ANO4: variants seen among roughly 807,000 people sequenced by gnomAD.
The protein encoded by ANO4 is anoctamin-4.
A neutral mutation model predicts 141.9 loss-of-function variants in ANO4; 69 were observed. That is an observed-to-expected ratio of 0.49 (90% confidence interval 0.40 to 0.59). The LOEUF (loss-of-function observed/expected upper bound fraction) is 0.59. Ranked by LOEUF, ANO4 falls within the 20% of genes least tolerant of loss-of-function variation. The pLI, the probability that ANO4 is intolerant of heterozygous loss-of-function variation, is 0.00. For missense variants in ANO4, 894 were observed against 1,162.2 expected, an observed-to-expected ratio of 0.77 and a Z score of 3.36; for synonymous variants, 350 against 394.3, an observed-to-expected ratio of 0.89 and a Z score of 1.33.
chr12:100,941,312 C>G (rs1211821417), intron 4 of ANO4, among the ~76,000 whole-genome samples: 1 of 151,850 alleles, frequency 6.6e-6, no homozygotes, highest in Non-Finnish European at 1.5e-5. Flanking sequence ...TATCATCTTT[C>G]TAAATTTTAT....
In ANO4 at chr12:100,940,160, C is replaced by T. The variant is rs537383651; in HGVS notation, c.297+709C>T. 3.3e-5 allele frequency among the ~76,000 whole-genome samples: 5 copies of T among 151,394 alleles called. No individual in the cohort carries two copies. In the East Asian group the frequency reaches 9.7e-4, roughly 29 times the overall value. Reference sequence around the variant, plus strand: ...GCCAAGCTTTGCAGACTTCACCCCACAAACACCATATGCAGCTATCCAAGT... The same window carrying T: ...GCCAAGCTTTGCAGACTTCACCCCATAAACACCATATGCAGCTATCCAAGT... On this transcript the variant is annotated intron_variant, in intron 4 of 27. Transcript: ENST00000392977.
chr12:100,993,641 T>C (rs2045240193), intron 8 of ANO4, among the ~76,000 whole-genome samples: 1 of 152,074 alleles, frequency 6.6e-6, no homozygotes, highest in Non-Finnish European at 1.5e-5. Flanking sequence ...TAGGCTACTG[T>C]TATCTTGTTA....
At chr12:100,839,227 A>G (rs1321507829) in intron 1 of ANO4, among the ~76,000 whole-genome samples, 1 of 152,150 alleles carries the variant, frequency 6.6e-6, no homozygotes, top group Non-Finnish European at 1.5e-5. Flanking sequence ...AACTTGCAGA[A>G]TGGGGGCCAG....
chr12:100,897,651 G>A (rs903589988), intron 1 of ANO4, among the ~76,000 whole-genome samples: 6 of 152,232 alleles, frequency 3.9e-5, no homozygotes, highest in African/African-American at 1.4e-4. Context: ...GCAGATGAAT[G>A]AGAGTTCAAG....
intron 16 of ANO4, among the ~76,000 whole-genome samples, 174 bp from the exon 17 acceptor site, chr12:101,086,486 A>C (rs1054493647): frequency 6.6e-6 from 1 of 152,156 alleles, no homozygotes; most frequent in African/African-American, 2.4e-5. Context: ...AAAAATAGAA[A>C]AAGGCAAGAG....
intron 14 of ANO4, among the ~76,000 whole-genome samples, chr12:101,067,385 G>T (rs1300698657): frequency 3.3e-5 from 5 of 152,206 alleles, no homozygotes; most frequent in African/African-American, 1.2e-4. Flanking sequence ...GTAATAGTAT[G>T]TGATAAGATT....
At chr12:100,806,524 GTTTTTTTT>G (rs763949654) in intron 1 of ANO4, among the ~76,000 whole-genome samples, 3 of 59,882 alleles carry the variant, frequency 5.0e-5, no homozygotes, top group African/African-American at 1.7e-4. Context: ...TTTTTGTTTC[GTTTTTTTT>G]TTTTTTTTTT....
chr12:100,794,418 C>G (rs577002670), upstream of ANO4, among the ~76,000 whole-genome samples: 1 of 152,280 alleles, frequency 6.6e-6, no homozygotes, highest in East Asian at 1.9e-4. Context: ...TTGTTAAATA[C>G]AAGCAAACAT....
At chr12:100,923,028 C>G (rs565091712) in intron 3 of ANO4, among the ~76,000 whole-genome samples, 1 of 152,066 alleles carries the variant, frequency 6.6e-6, no homozygotes, top group East Asian at 1.9e-4. Context: ...CTCTTAATAT[C>G]GAATAATTTA....
intron 5 of ANO4, among the ~76,000 whole-genome samples, chr12:100,963,723 T>C (rs954203318): frequency 5.3e-5 from 8 of 152,126 alleles, no homozygotes; most frequent in Admixed American, 5.2e-4. Flanking sequence ...GTTGGCTAGA[T>C]GATAGCCCCA....
chr12:100,959,273 C>G (rs2043303360), intron 5 of ANO4, among the ~76,000 whole-genome samples: 1 of 152,094 alleles, frequency 6.6e-6, no homozygotes. Flanking sequence ...TTCGCTGAAT[C>G]CCCTCTCACC....
chr12:100,985,633 A>C (rs1417530631), intron 7 of ANO4, among the ~76,000 whole-genome samples: 1 of 152,074 alleles, frequency 6.6e-6, no homozygotes, highest in Non-Finnish European at 1.5e-5. Context: ...CTATATTTTA[A>C]GTATATTTCT....
intron 10 of ANO4, 63 bp from the exon 11 acceptor site, chr12:101,039,892 C>G (rs1566162552): frequency 6.5e-7 from 1 of 1,541,192 alleles, no homozygotes; most frequent in Non-Finnish European, 8.8e-7. Context: ...CTTACATTAC[C>G]ATCAGCATTT....
chr12:100,720,311 G>A (rs1009953770), intron 1 of ANO4, among the ~76,000 whole-genome samples: 1 of 151,928 alleles, frequency 6.6e-6, no homozygotes, highest in South Asian at 2.1e-4. Context: ...TTTCATATAG[G>A]GAAGCCCTCT....
At chr12:100,963,430 A>G (rs1277644198) in intron 5 of ANO4, among the ~76,000 whole-genome samples, 1 of 152,078 alleles carries the variant, frequency 6.6e-6, no homozygotes, top group East Asian at 1.9e-4. Context: ...TATTGTAATC[A>G]TTTAGGAACA....
intron 9 of ANO4, among the ~76,000 whole-genome samples, chr12:101,031,540 C>T (rs2046976239): frequency 6.6e-6 from 1 of 152,184 alleles, no homozygotes; most frequent in Non-Finnish European, 1.5e-5. Flanking sequence ...GATGCCCTCT[C>T]TCACCACTCT....
At chr12:100,908,454 A>G (rs1193400000) in intron 2 of ANO4, among the ~76,000 whole-genome samples, 2 of 152,270 alleles carry the variant, frequency 1.3e-5, no homozygotes, top group African/African-American at 2.4e-5. Context: ...GGTTGAAAAT[A>G]TAAATAAAGC....
At chr12:101,099,820 T>C (rs1279449926) in intron 22 of ANO4, 100 bp downstream of exon 22, 9 of 988,962 alleles carry the variant, frequency 9.1e-6, no homozygotes, top group Non-Finnish European at 1.1e-5. Flanking sequence ...CCTCAGTGCG[T>C]AGGGATTCCT....
In ANO4 at chr12:101,079,209, G is replaced by A; in HGVS notation, c.1329G>A (p.Glu443=). The A allele has an allele frequency of 6.2e-7, 1 of 1,613,982 alleles. No individual in the cohort carries two copies. Among genetic ancestry groups the A allele is most frequent in the Non-Finnish European group, 8.5e-7 (1 of 1,179,912 alleles). ...FMAVWATVFL[E]FWKRRRAVIA... is the part of the protein sequence containing the mutation. ...TTGTTCCAGCAACAGTTTTCCTGGA[G>A]TTTTGGAAAAGACGGCGAGCAGTAA... Residue 443 remains glutamate, a synonymous_variant, in exon 15 of 28, where the codon GAG becomes GAA. Coordinates refer to ENST00000392977, the MANE Select transcript of ANO4 (RefSeq NM_001286615.2).
Sources: allele counts gnomAD v4.1 joint callset (sites outside exome capture counted in the v4.1 genomes callset), GRCh38; gene constraint gnomAD v4.1.1; transcripts MANE v1.5; gene names NCBI Gene and HGNC (gene_info 2026-07-23, HGNC 2026-07-21).